UBE3B: variants seen among roughly 807,000 people sequenced by gnomAD.
The protein encoded by UBE3B is ubiquitin-protein ligase E3B.
Under a neutral mutation model 132.3 loss-of-function variants are expected in UBE3B, and 80 were observed. The observed-to-expected ratio is 0.60, with a 90% CI of 0.50 to 0.73. UBE3B has a LOEUF of 0.73. Ranked by LOEUF, UBE3B falls within the 30% of genes least tolerant of loss-of-function variation. The pLI, the probability that UBE3B is intolerant of heterozygous loss-of-function variation, is 0.00. For missense variants in UBE3B, 1,196 were observed against 1,362.5 expected, an observed-to-expected ratio of 0.88 and a Z score of 1.92; for synonymous variants, 487 against 520.4, an observed-to-expected ratio of 0.94 and a Z score of 0.87.
At position 109,483,560 on chromosome 12, in the gene UBE3B, C is replaced by A; in HGVS notation, c.9C>A (p.Thr3=). 6.3e-7 allele frequency: 1 copy of A among 1,577,810 alleles called. No homozygotes were observed. Among genetic ancestry groups the A allele is most frequent in the Non-Finnish European group, 8.6e-7 (1 of 1,166,516 alleles). Residue 3 remains threonine, a synonymous_variant, in exon 3 of 28, where the codon ACC becomes ACA. Coordinates refer to ENST00000342494, the MANE Select transcript of UBE3B (RefSeq NM_130466.4). MF[T]LSQTSRAWFI... ...TGTGCAAGTTTGCAAACATGTTCACCCTGTCTCAGACCTCGAGAGCATGGT... is the reference window on the plus strand; with the variant it reads ...TGTGCAAGTTTGCAAACATGTTCACACTGTCTCAGACCTCGAGAGCATGGT...
chr12:109,480,818 T>A (rs1198636462), intron 1 of UBE3B, among the ~76,000 whole-genome samples: 1 of 152,002 alleles, frequency 6.6e-6, no homozygotes, highest in East Asian at 1.9e-4. Context: ...TTAAGAAAAA[T>A]TTCCCGCAAT....
rs1333719194 is a variant in UBE3B, at chr12:109,533,562, C to T, written c.3015+4C>T. The T allele has an allele frequency of 1.1e-5, 18 of 1,612,134 alleles. No homozygotes were observed. In the Admixed American group the frequency reaches 3.0e-4, roughly 27 times the overall value. ...CGTGGAGGTGTCGGACGATCAGGTACCCCCACGGGGTGGGTGGGGAAGAGC... is the reference window on the plus strand; with the variant it reads ...CGTGGAGGTGTCGGACGATCAGGTATCCCCACGGGGTGGGTGGGGAAGAGC... On this transcript the variant is annotated splice_donor_region_variant and intron_variant, in intron 27 of 27. Coordinates refer to ENST00000342494, the MANE Select transcript of UBE3B (RefSeq NM_130466.4).
At chr12:109,488,475 C>T in intron 6 of UBE3B, 97 bp from the exon 7 acceptor site, 1 of 1,082,162 alleles carries the variant, frequency 9.2e-7, no homozygotes, top group Non-Finnish European at 1.4e-6. Flanking sequence ...CTCAGTGATT[C>T]CAGGCTGAGT....
intron 4 of UBE3B, among the ~76,000 whole-genome samples, chr12:109,485,408 G>A (rs866952774): frequency 5.3e-5 from 8 of 152,242 alleles, no homozygotes; most frequent in Admixed American, 2.6e-4. Context: ...TTACGTAGAT[G>A]AGGACAGATA....
At chr12:109,502,362 T>C (rs1189498466) in intron 13 of UBE3B, among the ~76,000 whole-genome samples, 1 of 152,130 alleles carries the variant, frequency 6.6e-6, no homozygotes, top group Non-Finnish European at 1.5e-5. Flanking sequence ...GGGTCAGTAA[T>C]GGGTTCCATG....
At chr12:109,545,284 C>T in the UBE3B span, among the ~76,000 whole-genome samples, 1 of 152,232 alleles carries the variant, frequency 6.6e-6, no homozygotes, top group Non-Finnish European at 1.5e-5. Flanking sequence ...GGAAGCCAGA[C>T]TGCCAGGGAG....
At chr12:109,485,624 C>T (rs1407708097) in intron 4 of UBE3B, among the ~76,000 whole-genome samples, 1 of 152,154 alleles carries the variant, frequency 6.6e-6, no homozygotes, top group Non-Finnish European at 1.5e-5. Flanking sequence ...GGCTGTGAGG[C>T]AAAAGTCAGT....
In UBE3B at chr12:109,534,069, CCTA is replaced by C; in HGVS notation, c.3015+514_3015+516del. 1 of 1,294,708 alleles carries C rather than the reference CCTA, an allele frequency of 7.7e-7. No homozygotes were observed. The highest frequency in any genetic ancestry group is 1.2e-5 in the South Asian group (1 of 81,084). The allele number at this position is 1,294,708 out of a possible 1,614,324, so 80.2% of individuals were successfully genotyped here. A position where few individuals can be genotyped will look rare whatever the true frequency, so the allele number is the denominator to read the frequency against. ...CCACTGTGGGTGCTCAAATGAGAGTCCTACTCCCCATAAAAACCCAGTGGCCGC... is the reference window on the plus strand; with the variant it reads ...CCACTGTGGGTGCTCAAATGAGAGTCCTCCCCATAAAAACCCAGTGGCCGC... On this transcript the variant is annotated intron_variant, in intron 27 of 27. Coordinates refer to ENST00000342494, the MANE Select transcript of UBE3B (RefSeq NM_130466.4). The surrounding 1 kb of genome is among the most constrained non-coding windows in gnomAD (Gnocchi z 5.2).
intron 24 of UBE3B, among the ~76,000 whole-genome samples, chr12:109,527,425 C>T (rs755858165): frequency 1.3e-5 from 2 of 152,188 alleles, no homozygotes; most frequent in Non-Finnish European, 2.9e-5. Flanking sequence ...TTAATTGGAG[C>T]ATCAGTCTCT....
chr12:109,484,061 T>C (rs1875944714), intron 4 of UBE3B, 80 bp downstream of exon 4: 4 of 1,433,404 alleles, frequency 2.8e-6, no homozygotes, highest in East Asian at 2.4e-5. Context: ...TCAGTTCTTA[T>C]AGCAGCTTTA....
chr12:109,542,613 C>T, the UBE3B span, among the ~76,000 whole-genome samples: 5 of 152,234 alleles, frequency 3.3e-5, no homozygotes, highest in South Asian at 2.1e-4. Context: ...GACCCTAATC[C>T]GATGTGACTG....
At chr12:109,537,887 G>A (rs1883512152), downstream of UBE3B, among the ~76,000 whole-genome samples, 1 of 152,076 alleles carries the variant, frequency 6.6e-6, no homozygotes, top group Admixed American at 6.5e-5. Context: ...TGTATTTTTA[G>A]GAGAGACAGG....
chr12:109,509,459 G>T, intron 15 of UBE3B, 137 bp from the exon 16 acceptor site: 2 of 577,048 alleles, frequency 3.5e-6, no homozygotes, highest in East Asian at 2.9e-5. Flanking sequence ...CATTTTATCT[G>T]TAGATTTTAC....
At chr12:109,540,965 TCTC>T (rs1883597844), downstream of UBE3B, among the ~76,000 whole-genome samples, 1 of 152,178 alleles carries the variant, frequency 6.6e-6, no homozygotes, top group South Asian at 2.1e-4. Flanking sequence ...GAGGTGGTCC[TCTC>T]CTCCTCTTGG....
At chr12:109,533,882 G>C in intron 27 of UBE3B, 1 of 1,324,068 alleles carries the variant, frequency 7.6e-7, no homozygotes, top group Non-Finnish European at 1.0e-6. Flanking sequence ...CAGCATGGGA[G>C]AAAGTGAGAG....
In UBE3B at chr12:109,534,324, C is replaced by A; in HGVS notation, c.3016-267C>A. The A allele has an allele frequency of 7.1e-7, 1 of 1,406,798 alleles. No individual in the cohort carries two copies. The highest frequency in any genetic ancestry group is 1.6e-5 in the South Asian group (1 of 62,278). The allele number at this position is 1,406,798 out of a possible 1,614,324, so 87.1% of individuals were successfully genotyped here. On this transcript the variant is annotated intron_variant, in intron 27 of 27. Transcript: ENST00000342494. This position sits in a 1 kb window ranked among gnomAD's most constrained non-coding sequence, Gnocchi z 5.2. Reference sequence around the variant, plus strand: ...TGTCAATTGGTTAACCAGTAATTCGCTGTGAACCGGAAGGCCCCATTTCCA... The same window carrying A: ...TGTCAATTGGTTAACCAGTAATTCGATGTGAACCGGAAGGCCCCATTTCCA...
chr12:109,491,449 A>G (rs1040361491), intron 9 of UBE3B: 21 of 220,022 alleles, frequency 9.5e-5, no homozygotes, highest in African/African-American at 4.5e-4. Flanking sequence ...GACAAAACAA[A>G]AAACCTAGGA....
chr12:109,524,361 G>T, intron 22 of UBE3B, 77 bp from the exon 23 acceptor site: 1 of 1,550,378 alleles, frequency 6.5e-7, no homozygotes. Context: ...CCAAAGCAGC[G>T]CCTCAAGGGA....
intron 19 of UBE3B, chr12:109,517,935 T>C (rs921987174): frequency 2.2e-6 from 1 of 446,476 alleles, no homozygotes; most frequent in Non-Finnish European, 4.5e-6. Context: ...TGAGTGCCCC[T>C]GGCCACTGGT....
Sources: allele counts gnomAD v4.1 joint callset (sites outside exome capture counted in the v4.1 genomes callset), GRCh38; gene constraint gnomAD v4.1.1; non-coding constraint Gnocchi (gnomAD v3.1); transcripts MANE v1.5; gene names NCBI Gene and HGNC (gene_info 2026-07-23, HGNC 2026-07-21).